Variants in GPC6 observed in about 807,000 individuals in gnomAD.
GPC6 encodes the protein glypican-6.
GPC6 carries 14 observed loss-of-function variants against 55.2 expected under a neutral mutation model. The observed-to-expected ratio is 0.25, with a 90% CI of 0.17 to 0.40. The LOEUF (loss-of-function observed/expected upper bound fraction) is 0.40. Ranked by LOEUF, GPC6 falls within the 10% of genes least tolerant of loss-of-function variation. GPC6 has a pLI of 1.00. For synonymous variants in GPC6, 278 were observed against 259.6 expected (o/e 1.07, Z -0.68); for missense variants, 641 against 708.5 (o/e 0.90, Z 1.08).
intron 3 of GPC6, among the ~76,000 whole-genome samples, chr13:93,940,768 AT>A (rs577521028): frequency 6.6e-6 from 1 of 152,266 alleles, no homozygotes; most frequent in Admixed American, 6.5e-5. Context: ...TGTGATTTAT[AT>A]TTTTTTGAAG....
At chr13:93,425,562 C>T (rs1877095596) in intron 1 of GPC6, among the ~76,000 whole-genome samples, 2 of 152,146 alleles carry the variant, frequency 1.3e-5, no homozygotes, top group African/African-American at 4.8e-5. Context: ...CCCAGAGTCA[C>T]TGAGTTTCAA....
chr13:93,723,846 C>CA (rs1343659465), intron 2 of GPC6, among the ~76,000 whole-genome samples: 1 of 151,676 alleles, frequency 6.6e-6, no homozygotes, highest in Non-Finnish European at 1.5e-5. Flanking sequence ...GTATTTAGTT[C>CA]AAAAAAATCC....
chr13:93,573,703 A>AGGCATCCT, intron 2 of GPC6, among the ~76,000 whole-genome samples: 1 of 152,150 alleles, frequency 6.6e-6, no homozygotes, highest in Non-Finnish European at 1.5e-5. Context: ...TCTTTTATGT[A>AGGCATCCT]GCTTCTGGAT....
intron 4 of GPC6, among the ~76,000 whole-genome samples, chr13:94,049,810 C>T (rs940268325): frequency 6.6e-6 from 1 of 152,144 alleles, no homozygotes; most frequent in African/African-American, 2.4e-5. Context: ...GGCTGGGTCA[C>T]CACCCAAAAT....
intron 1 of GPC6, among the ~76,000 whole-genome samples, chr13:93,460,723 A>C (rs577925654): frequency 6.6e-6 from 1 of 152,292 alleles, no homozygotes; most frequent in Non-Finnish European, 1.5e-5. Flanking sequence ...TTTGAGGCAA[A>C]TATTGCATTA....
chr13:94,230,553 A>G (rs947768577), intron 4 of GPC6, among the ~76,000 whole-genome samples: 2 of 152,186 alleles, frequency 1.3e-5, no homozygotes, highest in Admixed American at 1.3e-4. Context: ...CTGGACCATC[A>G]AGCCAGGAGC....
intron 1 of GPC6, among the ~76,000 whole-genome samples, chr13:93,543,922 C>G (rs1435673195): frequency 6.6e-6 from 1 of 152,128 alleles, no homozygotes; most frequent in Non-Finnish European, 1.5e-5. Flanking sequence ...TTTACGTTCC[C>G]ACTGACAGTA....
chr13:93,815,836 C>G (rs1886830095), intron 2 of GPC6, among the ~76,000 whole-genome samples: 1 of 2,870 alleles, frequency 3.5e-4, no homozygotes, highest in Admixed American at 6.2e-3. Flanking sequence ...GCCACATGAG[C>G]CTGATATTTT....
At chr13:94,064,441 T>A (rs1884445392) in intron 4 of GPC6, among the ~76,000 whole-genome samples, 1 of 152,270 alleles carries the variant, frequency 6.6e-6, no homozygotes, top group East Asian at 1.9e-4. Flanking sequence ...GGGTGCAGCA[T>A]GGGGACTGGC....
At chr13:93,850,597 T>G (rs1219954713) in intron 3 of GPC6, among the ~76,000 whole-genome samples, 1 of 151,822 alleles carries the variant, frequency 6.6e-6, no homozygotes, top group Non-Finnish European at 1.5e-5. Flanking sequence ...ACAGTGAATT[T>G]TAATTATATA....
At chr13:93,944,380 AT>A (rs1363663332) in intron 3 of GPC6, among the ~76,000 whole-genome samples, 2 of 151,472 alleles carry the variant, frequency 1.3e-5, no homozygotes, top group African/African-American at 4.9e-5. Context: ...ATTTTTTTGT[AT>A]TTTTAGTAGA....
rs187080377 is a variant in GPC6, at chr13:93,297,665, C to T, written c.160+70049C>T. The stretch of plus-strand genomic sequence containing the variant: ...GTAAAAAACAAAATGATTTTCCCCA[C>T]CCTCCCCCCTTCACCTCAGCTAAAA... On this transcript the variant is annotated intron_variant, in intron 1 of 8. Transcript: ENST00000377047. Among the ~76,000 whole-genome samples the T allele has an allele frequency of 2.6e-5, 4 of 151,926 alleles. No individual in the cohort carries two copies. The East Asian group carries it at 5.8e-4, about 22-fold the overall frequency.
chr13:93,267,425 T>A (rs887254753), intron 1 of GPC6, among the ~76,000 whole-genome samples: 1 of 151,988 alleles, frequency 6.6e-6, no homozygotes, highest in Non-Finnish European at 1.5e-5. Flanking sequence ...AGACTTTAAT[T>A]CTTCATAAAG....
At chr13:93,711,540 T>C (rs1883064125) in intron 2 of GPC6, among the ~76,000 whole-genome samples, 1 of 151,706 alleles carries the variant, frequency 6.6e-6, no homozygotes, top group Non-Finnish European at 1.5e-5. Context: ...ATGGTATAGA[T>C]AAAATCAGAC....
At chr13:94,391,815 G>A (rs1880658354) in intron 7 of GPC6, among the ~76,000 whole-genome samples, 1 of 151,986 alleles carries the variant, frequency 6.6e-6, no homozygotes. Context: ...CTACCCCCAG[G>A]CCCTGCTGAC....
intron 5 of GPC6, among the ~76,000 whole-genome samples, chr13:94,288,690 A>C (rs968897918): frequency 2.1e-5 from 3 of 142,246 alleles, no homozygotes; most frequent in Non-Finnish European, 4.5e-5. Context: ...TCTATCACAG[A>C]AATCTGTCAC....
intron 2 of GPC6, among the ~76,000 whole-genome samples, chr13:93,774,913 A>G (rs1423440799): frequency 6.6e-6 from 1 of 152,148 alleles, no homozygotes; most frequent in East Asian, 1.9e-4. Flanking sequence ...TTCTTTTACC[A>G]GAGAGCTCAG....
chr13:94,299,298 C>A (rs1365315724), intron 5 of GPC6, among the ~76,000 whole-genome samples: 1 of 152,228 alleles, frequency 6.6e-6, no homozygotes, highest in Non-Finnish European at 1.5e-5. Context: ...ATCATTCTAT[C>A]TTCCCAACAG....
chr13:93,727,932 C>T (rs1470439103), intron 2 of GPC6, among the ~76,000 whole-genome samples: 1 of 152,132 alleles, frequency 6.6e-6, no homozygotes, highest in Non-Finnish European at 1.5e-5. Context: ...TCACTATCCC[C>T]TCTAGCCTGT....
Sources: allele counts gnomAD v4.1 joint callset (sites outside exome capture counted in the v4.1 genomes callset), GRCh38; gene constraint gnomAD v4.1.1; transcripts MANE v1.5; gene names NCBI Gene and HGNC (gene_info 2026-07-23, HGNC 2026-07-21).